Variants in NTRK3 observed in about 807,000 individuals in gnomAD.
The protein encoded by NTRK3 is neurotrophic receptor tyrosine kinase 3, also known as NT-3 growth factor receptor.
In NTRK3, 24 loss-of-function variants were observed where a neutral mutation model predicts 91.7. That is an observed-to-expected ratio of 0.26 (90% CI 0.19 to 0.37). The LOEUF is 0.37. NTRK3 is among the 10% of genes least tolerant of loss of function. NTRK3 has a pLI of 1.00. For missense variants in NTRK3, 880 were observed against 1,068.9 expected, an observed-to-expected ratio of 0.82 and a Z score of 2.46; for synonymous variants, 483 against 404.0, an observed-to-expected ratio of 1.20 and a Z score of -2.34.
chr15:88,191,163 C>CGTGTGTGTGTGTGTGTGT (rs60048541), intron 3 of NTRK3, among the ~76,000 whole-genome samples: 64 of 137,962 alleles, frequency 4.6e-4, no homozygotes, highest in African/African-American at 1.5e-3. Context: ...TGATGTTTCC[C>CGTGTGTGTGTGTGTGTGT]GTGTGTGTGT....
chr15:88,221,761 G>C (rs984394648), intron 3 of NTRK3, among the ~76,000 whole-genome samples: 2 of 152,228 alleles, frequency 1.3e-5, no homozygotes, highest in Non-Finnish European at 2.9e-5. Flanking sequence ...CGGGTGAATG[G>C]GGAGGTGGGA....
At chr15:88,134,955 T>G (rs1245832820) in intron 10 of NTRK3, 146 bp downstream of exon 10, 116 of 952,106 alleles carry the variant, frequency 1.2e-4, no homozygotes, top group East Asian at 2.6e-5. Context: ...ATGCGGCTGG[T>G]GGTTGCACAT....
intron 17 of NTRK3, among the ~76,000 whole-genome samples, chr15:87,912,031 C>G (rs2067114465): frequency 6.6e-6 from 1 of 152,196 alleles, no homozygotes; most frequent in South Asian, 2.1e-4. Flanking sequence ...GCACCACCTC[C>G]CTTGCTTCTA....
intron 13 of NTRK3, among the ~76,000 whole-genome samples, chr15:88,044,404 G>A (rs569439100): frequency 1.3e-5 from 2 of 151,734 alleles, no homozygotes; most frequent in East Asian, 1.9e-4. Flanking sequence ...GGGACTAAAG[G>A]CACCTGCCAC....
chr15:88,089,824 T>C (rs2048851498), intron 13 of NTRK3, among the ~76,000 whole-genome samples: 1 of 152,208 alleles, frequency 6.6e-6, no homozygotes, highest in Non-Finnish European at 1.5e-5. Context: ...GGTCTGCTCA[T>C]GCCCTCCCCT....
At chr15:88,108,187 C>T (rs1426180009) in intron 13 of NTRK3, among the ~76,000 whole-genome samples, 5 of 152,188 alleles carry the variant, frequency 3.3e-5, no homozygotes, top group African/African-American at 9.7e-5. Flanking sequence ...GTGTGCCTTG[C>T]TTGTATCTGT....
At chr15:88,065,850 C>A (rs2046604799) in intron 13 of NTRK3, among the ~76,000 whole-genome samples, 1 of 152,168 alleles carries the variant, frequency 6.6e-6, no homozygotes, top group African/African-American at 2.4e-5. Context: ...CTCCAGTATA[C>A]CCCTTGTCTG....
chr15:88,162,901 A>C (rs1222095124), intron 5 of NTRK3, among the ~76,000 whole-genome samples: 1 of 152,110 alleles, frequency 6.6e-6, no homozygotes, highest in Non-Finnish European at 1.5e-5. Context: ...AGGTCTGTAC[A>C]TGAGCAGTTG....
chr15:87,918,253 T>C (rs2067599650), intron 17 of NTRK3, among the ~76,000 whole-genome samples: 1 of 152,236 alleles, frequency 6.6e-6, no homozygotes, highest in African/African-American at 2.4e-5. Flanking sequence ...GCCTTATGAA[T>C]TGTCCTTACA....
At chr15:87,991,106 C>T (rs1273603295) in intron 14 of NTRK3, among the ~76,000 whole-genome samples, 2 of 152,272 alleles carry the variant, frequency 1.3e-5, no homozygotes, top group East Asian at 1.9e-4. Flanking sequence ...CCTTGACCAT[C>T]CCACACCCCC....
At chr15:88,162,892 G>C (rs2044597178) in intron 5 of NTRK3, among the ~76,000 whole-genome samples, 1 of 152,130 alleles carries the variant, frequency 6.6e-6, no homozygotes, top group South Asian at 2.1e-4. Context: ...AGACCTTCTA[G>C]GTCTGTACAT....
intron 8 of NTRK3, 81 bp downstream of exon 8, chr15:88,136,386 C>T: frequency 6.3e-7 from 1 of 1,582,390 alleles, no homozygotes; most frequent in East Asian, 2.2e-5. Context: ...AGTAACAAGA[C>T]CGCAAATTTT....
intron 10 of NTRK3, 63 bp downstream of exon 10, chr15:88,135,038 G>T: frequency 6.3e-7 from 1 of 1,576,680 alleles, no homozygotes; most frequent in Non-Finnish European, 8.7e-7. Flanking sequence ...AAGCTACCAT[G>T]CCCCATCTCC....
rs1319006009 is a variant in NTRK3, at chr15:87,896,931, G to C, written c.2134-16503C>G. On this transcript the variant is annotated intron_variant, in intron 17 of 18. Coordinates refer to ENST00000394480, the Ensembl canonical transcript of NTRK3. ...ACTGAATATCTCAGCCCCGGGTCTA[G>C]TAGGTGCTTGAGATTCTTTGGAGGG... Among the ~76,000 whole-genome samples the C allele has an allele frequency of 2.6e-5, 4 of 152,198 alleles. No individual in the cohort carries two copies. In the South Asian group the frequency reaches 8.3e-4, roughly 32 times the overall value.
At chr15:88,132,013 T>A (rs1443283970) in intron 10 of NTRK3, 5 of 201,834 alleles carry the variant, frequency 2.5e-5, no homozygotes, top group Non-Finnish European at 4.1e-5. Context: ...AGACCATAAC[T>A]CTTCAAGAAG....
intron 17 of NTRK3, among the ~76,000 whole-genome samples, chr15:87,905,229 G>A (rs1353132589): frequency 6.6e-6 from 1 of 152,202 alleles, no homozygotes. Context: ...CATGCATAGA[G>A]ACCCTGGGAT....
intron 14 of NTRK3, among the ~76,000 whole-genome samples, chr15:88,000,671 G>A (rs1008884863): frequency 1.3e-5 from 2 of 152,156 alleles, no homozygotes; most frequent in African/African-American, 4.8e-5. Context: ...CTTTAACCAT[G>A]TTGTAGCAAG....
chr15:87,896,507 A>T (rs571557591), intron 17 of NTRK3, among the ~76,000 whole-genome samples: 28 of 151,836 alleles, frequency 1.8e-4, no homozygotes, highest in Admixed American at 2.0e-4. Flanking sequence ...GAAAGAAAAA[A>T]ATATATACAT....
At chr15:87,891,743 G>T (rs1277952793) in intron 17 of NTRK3, among the ~76,000 whole-genome samples, 1 of 151,994 alleles carries the variant, frequency 6.6e-6, no homozygotes, top group East Asian at 1.9e-4. Context: ...CTATTAATAG[G>T]CACTTTGATT....
Sources: allele counts gnomAD v4.1 joint callset (sites outside exome capture counted in the v4.1 genomes callset), GRCh38; gene constraint gnomAD v4.1.1; transcripts MANE v1.5; gene names NCBI Gene and HGNC (gene_info 2026-07-23, HGNC 2026-07-21).